Variants in SF3B4 observed in about 807,000 individuals in gnomAD.
The protein encoded by SF3B4 is SAP 49.
Under a neutral mutation model 34.3 loss-of-function variants are expected in SF3B4, and 3 were observed. The observed-to-expected ratio is 0.09, with a 90% CI of 0.04 to 0.23. The LOEUF (loss-of-function observed/expected upper bound fraction) is 0.23. SF3B4 is among the 10% of genes least tolerant of loss of function. SF3B4 has a pLI of 1.00. For synonymous variants in SF3B4, 216 were observed against 207.8 expected, an observed-to-expected ratio of 1.04 and a Z score of -0.34; for missense variants, 283 against 567.2, an observed-to-expected ratio of 0.50 and a Z score of 5.09.
At chr1:149,924,601 A>AT (rs1315307197) in intron 4 of SF3B4, among the ~76,000 whole-genome samples, 1 of 152,232 alleles carries the variant, frequency 6.6e-6, no homozygotes, top group Non-Finnish European at 1.5e-5. Context: ...GATGAAGTAT[A>AT]TAACAAGTGG....
intron 1 of SF3B4, 74 bp from the exon 2 acceptor site, chr1:149,927,368 T>C: frequency 6.3e-7 from 1 of 1,577,178 alleles, no homozygotes; most frequent in Non-Finnish European, 8.6e-7. Context: ...AACATGAAGA[T>C]GGAACCCAAC....
Position 149,923,960 on chromosome 1 carries a change from T to C in SF3B4, c.968A>G (p.His323Arg). Residue 323 changes from histidine (H) to arginine (R), a missense_variant, in exon 5 of 6, where the codon CAC becomes CGC. Physicochemically the swap from His to Arg is conservative, Grantham distance 29 (BLOSUM62 0). Around this residue, in one of 4 missense-constraint regions of SF3B4, gnomAD observed 208 missense variants for 292.6 expected, o/e 0.71. Transcript: ENST00000271628. ...GCCCCCAGAGCCTGGGGGTCCAGCG[T>C]GGGGATGTCCTAAGCCATGAGGGCC... The part of the protein sequence containing the change: ...HHGPHGLGHP[H>R]AGPPGSGGQP... 6.3e-7 allele frequency: 1 copy of C among 1,583,296 alleles called. No individual in the cohort carries two copies. Among genetic ancestry groups the C allele is most frequent in the Non-Finnish European group, 8.5e-7 (1 of 1,170,462 alleles).
At chr1:149,923,803 A>G (rs782234086) in intron 5 of SF3B4, 38 bp downstream of exon 5, 67 of 1,546,708 alleles carry the variant, frequency 4.3e-5, no homozygotes, top group South Asian at 2.1e-4. Context: ...TAAGAACATG[A>G]TAAGTGCAGA....
Position 149,926,307 on chromosome 1 carries a change from T to C in SF3B4, c.706+69A>G. ...AATGTCCCCTGTCCCCCTTTCAGACTTGTTTTCTTCTTCCTCCTGACCCTC... is the reference window on the plus strand; with the variant it reads ...AATGTCCCCTGTCCCCCTTTCAGACCTGTTTTCTTCTTCCTCCTGACCCTC... On this transcript the variant is annotated intron_variant, in intron 3 of 5. Coordinates refer to ENST00000271628, the MANE Select transcript of SF3B4 (RefSeq NM_005850.5). The surrounding 1 kb of genome is among the most constrained non-coding windows in gnomAD (Gnocchi z 6.2). 7.1e-7 allele frequency: 1 copy of C among 1,399,650 alleles called. No individual in the cohort carries two copies. Among genetic ancestry groups the C allele is most frequent in the Non-Finnish European group, 9.8e-7 (1 of 1,021,984 alleles). 86.7% of individuals were successfully genotyped at this position (1,399,650 alleles called of 1,614,324 possible).
At position 149,923,924 on chromosome 1, in the gene SF3B4, G is replaced by A; in HGVS notation, c.1004C>T (p.Pro335Leu). Residue 335 changes from proline (P) to leucine (L), a missense_variant, in exon 5 of 6, where the codon CCC becomes CTC. By Grantham distance (98) the Pro-to-Leu change is moderately conservative (BLOSUM62 -3). Coordinates refer to ENST00000271628, the MANE Select transcript of SF3B4 (RefSeq NM_005850.5). The stretch of plus-strand genomic sequence containing the variant: ...ATGAGGCATTCCAGGTGGTGGTCGG[G>A]GCGGTGGCTGGCCCCCAGAGCCTGG... ...GPPGSGGQPPPRPPPGMPHPG... is the reference protein window; with the variant it reads ...GPPGSGGQPPLRPPPGMPHPG... 2 of 1,599,120 alleles carry A rather than the reference G, an allele frequency of 1.3e-6. No homozygotes were observed. The highest frequency in any genetic ancestry group is 1.7e-6 in the Non-Finnish European group (2 of 1,175,408).
chr1:149,925,318 G>A (rs1331119805), intron 4 of SF3B4, among the ~76,000 whole-genome samples: 1 of 152,156 alleles, frequency 6.6e-6, no homozygotes, highest in Non-Finnish European at 1.5e-5. Flanking sequence ...GGAGGCATCA[G>A]TATATACCCA....
rs140692705 is a variant in SF3B4 at position 149,926,509 on chromosome 1, G to A, written c.573C>T (p.Ala191=). The change falls in exon 3 of 6, where the codon GCC becomes GCT. Residue 191 remains alanine, a synonymous_variant. Coordinates refer to ENST00000271628, the MANE Select transcript of SF3B4 (RefSeq NM_005850.5). The surrounding 1 kb of genome is among the most constrained non-coding windows in gnomAD (Gnocchi z 6.2). The part of the protein sequence containing the change: ...DSKGERHGSA[A]ERLLAAQNPL... Reference sequence around the variant, plus strand: ...GGTTCTGAGCTGCCAGAAGTCGTTCGGCTGCTGAGCCATGGCGCTCACCCT... The same window carrying A: ...GGTTCTGAGCTGCCAGAAGTCGTTCAGCTGCTGAGCCATGGCGCTCACCCT... The A allele has an allele frequency of 3.4e-5, 55 of 1,614,072 alleles. No individual in the cohort carries two copies. The highest frequency in any genetic ancestry group is 6.7e-5 in the East Asian group (3 of 44,894).
intron 1 of SF3B4, 192 bp downstream of exon 1, chr1:149,927,534 C>T (rs2092598399): frequency 1.3e-6 from 1 of 758,176 alleles, no homozygotes; most frequent in Admixed American, 2.9e-5. Context: ...CAGCAGGGGA[C>T]CGGACTTAAG....
rs781944009 is a variant in SF3B4, at chr1:149,925,697, T to C, written c.913+139A>G. 6 of 744,296 alleles carry C rather than the reference T, an allele frequency of 8.1e-6. No individual in the cohort carries two copies. The South Asian group carries it at 8.9e-5, about 11-fold the overall frequency. The allele number at this position is 744,296 out of a possible 1,614,324, so 46.1% of individuals were successfully genotyped here. A position where few individuals can be genotyped will look rare whatever the true frequency, so the allele number is the denominator to read the frequency against. ...GTGGTAGATGTTAGAGAGCATTTTG[T>C]ATGTTTTTATAATAGAATGTCTGAA... On this transcript the variant is annotated intron_variant, in intron 4 of 5. Coordinates refer to ENST00000271628, the MANE Select transcript of SF3B4 (RefSeq NM_005850.5).
chr1:149,925,549 G>A (rs187929974), intron 4 of SF3B4: 6 of 419,748 alleles, frequency 1.4e-5, no homozygotes, highest in African/African-American at 1.2e-4. Flanking sequence ...GCGTCCCCGA[G>A]ATTTGGCAAT....
At position 149,926,238 on chromosome 1, in the gene SF3B4, A is replaced by G; in HGVS notation, c.706+138T>C. 1.2e-6 allele frequency: 1 copy of G among 808,372 alleles called. No homozygotes were observed. Among genetic ancestry groups the G allele is most frequent in the Non-Finnish European group, 1.9e-6 (1 of 516,910 alleles). The allele number at this position is 808,372 out of a possible 1,614,324, so 50.1% of individuals were successfully genotyped here. A position where few individuals can be genotyped will look rare whatever the true frequency, so the allele number is the denominator to read the frequency against. ...AAACCCAACAACTTTCTTCTTCACC[A>G]CTACCATCACCCCTCAGTCCTCTTC... is the stretch of plus-strand genomic sequence containing the variant. On this transcript the variant is annotated intron_variant, in intron 3 of 5. Transcript: ENST00000271628. This position sits in a 1 kb window ranked among gnomAD's most constrained non-coding sequence, Gnocchi z 6.2.
rs587684161 is a variant in SF3B4, at chr1:149,926,470, A to G, written c.612T>C (p.Ala204=). 6.2e-7 allele frequency: 1 copy of G among 1,614,226 alleles called. No individual in the cohort carries two copies. Residue 204 remains alanine, a synonymous_variant, in exon 3 of 6, where the codon GCT becomes GCC. Transcript: ENST00000271628. This position sits in a 1 kb window ranked among gnomAD's most constrained non-coding sequence, Gnocchi z 6.2. ...LLAAQNPLSQ[A]DRPHQLFADA... is the part of the protein sequence containing the mutation. The stretch of plus-strand genomic sequence containing the variant: ...CTGCAAACAGCTGATGAGGGCGATC[A>G]GCCTGGGAGAGCGGGTTCTGAGCTG...
At chr1:149,927,589 C>G (rs782128013) in intron 1 of SF3B4, 137 bp downstream of exon 1, 1 of 1,192,546 alleles carries the variant, frequency 8.4e-7, no homozygotes, top group South Asian at 1.4e-5. Context: ...ACCCCGCCCC[C>G]AACAGGCAGA....
Position 149,923,954 on chromosome 1 carries a change from C to G in SF3B4, c.974G>C (p.Gly325Ala). ...TGGCTGGCCCCCAGAGCCTGGGGGT[C>G]CAGCGTGGGGATGTCCTAAGCCATG... ...GPHGLGHPHA[G>A]PPGSGGQPPP... Residue 325 changes from glycine (G) to alanine (A), a missense_variant, in exon 5 of 6, where the codon GGA (glycine) becomes GCA (alanine). Physicochemically the swap from Gly to Ala is moderately conservative, Grantham distance 60. Transcript: ENST00000271628. 2 of 1,586,066 alleles carry G rather than the reference C, an allele frequency of 1.3e-6. No homozygotes were observed. Among genetic ancestry groups the G allele is most frequent in the South Asian group, 2.3e-5 (2 of 87,676 alleles).
At chr1:149,927,403 G>C in intron 1 of SF3B4, 109 bp from the exon 2 acceptor site, 1 of 1,354,122 alleles carries the variant, frequency 7.4e-7, no homozygotes, top group Non-Finnish European at 1.0e-6. Flanking sequence ...ACCGCGGTAG[G>C]GGACAGGAGC....
intron 1 of SF3B4, 48 bp downstream of exon 1, chr1:149,927,678 G>C (rs370347113): frequency 6.5e-7 from 1 of 1,547,744 alleles, no homozygotes; most frequent in South Asian, 1.2e-5. Flanking sequence ...TGTAGTCGGG[G>C]CCTCCTAGCC....
Position 149,926,298 on chromosome 1 carries a change from C to G in SF3B4, c.706+78G>C, listed in dbSNP as rs184531191. The G allele has an allele frequency of 7.6e-7, 1 of 1,318,666 alleles. No individual in the cohort carries two copies. The highest frequency in any genetic ancestry group is 1.0e-6 in the Non-Finnish European group (1 of 952,582). The allele number at this position is 1,318,666 out of a possible 1,614,324, so 81.7% of individuals were successfully genotyped here. A position where few individuals can be genotyped will look rare whatever the true frequency, so the allele number is the denominator to read the frequency against. On this transcript the variant is annotated intron_variant, in intron 3 of 5. Transcript: ENST00000271628. This position sits in a 1 kb window ranked among gnomAD's most constrained non-coding sequence, Gnocchi z 6.2. ...CACTGACTCAATGTCCCCTGTCCCC[C>G]TTTCAGACTTGTTTTCTTCTTCCTC...
Position 149,926,515 on chromosome 1 carries a change from T to G in SF3B4, c.567A>C (p.Ser189=). The stretch of plus-strand genomic sequence containing the variant: ...GAGCTGCCAGAAGTCGTTCGGCTGC[T>G]GAGCCATGGCGCTCACCCTTGGAGT... ...KKDSKGERHG[S]AAERLLAAQN... Residue 189 remains serine, a synonymous_variant, in exon 3 of 6, where the codon TCA becomes TCC. Coordinates refer to ENST00000271628, the MANE Select transcript of SF3B4 (RefSeq NM_005850.5). This position sits in a 1 kb window ranked among gnomAD's most constrained non-coding sequence, Gnocchi z 6.2. 1 of 1,614,228 alleles carries G rather than the reference T, an allele frequency of 6.2e-7. No individual in the cohort carries two copies. The highest frequency in any genetic ancestry group is 8.5e-7 in the Non-Finnish European group (1 of 1,180,042).
Position 149,923,683 on chromosome 1 carries a change from T to A in SF3B4, c.1134A>T (p.Pro378=), listed in dbSNP as rs1390654592. The change falls in exon 6 of 6, where the codon CCA becomes CCT. Residue 378 remains proline, a synonymous_variant. Transcript: ENST00000271628. ...MPPHGMRGPP[P]LMPPHGYTGP... is the part of the protein sequence containing the mutation. ...CAGTGTATCCATGGGGGGGCATCAG[T>A]GGAGGAGGTCCACGCATACCATGCG... The A allele has an allele frequency of 4.6e-6, 7 of 1,525,112 alleles. No homozygotes were observed. Among genetic ancestry groups the A allele is most frequent in the Non-Finnish European group, 4.4e-6 (5 of 1,147,388 alleles). The allele number at this position is 1,525,112 out of a possible 1,614,324, so 94.5% of individuals were successfully genotyped here. A position where few individuals can be genotyped will look rare whatever the true frequency, so the allele number is the denominator to read the frequency against.
Sources: allele counts gnomAD v4.1 joint callset (sites outside exome capture counted in the v4.1 genomes callset), GRCh38; gene constraint gnomAD v4.1.1; regional missense constraint gnomAD v4.1.1; non-coding constraint Gnocchi (gnomAD v3.1); transcripts MANE v1.5; gene names NCBI Gene and HGNC (gene_info 2026-07-23, HGNC 2026-07-21).